Variants in NEGR1 observed in about 807,000 individuals in gnomAD.
NEGR1 encodes neuronal growth regulator 1.
Under a neutral mutation model 40.9 loss-of-function variants are expected in NEGR1, and 10 were observed. The observed-to-expected ratio is 0.24, with a 90% CI of 0.15 to 0.42. NEGR1 has a LOEUF of 0.42. Ranked by LOEUF, NEGR1 falls within the 10% of genes least tolerant of loss-of-function variation. NEGR1 has a pLI of 1.00. For missense variants in NEGR1, 352 were observed against 438.9 expected, an observed-to-expected ratio of 0.80 and a Z score of 1.77; for synonymous variants, 185 against 166.8, an observed-to-expected ratio of 1.11 and a Z score of -0.84.
At chr1:71,832,303 C>T (rs1209547523) in intron 2 of NEGR1, among the ~76,000 whole-genome samples, 2 of 151,966 alleles carry the variant, frequency 1.3e-5, no homozygotes, top group African/African-American at 2.4e-5. Context: ...AAGTGAGACA[C>T]CACTTGTGCC....
intron 4 of NEGR1, among the ~76,000 whole-genome samples, chr1:71,675,374 C>T (rs1652592315): frequency 1.3e-5 from 2 of 150,868 alleles, no homozygotes; most frequent in South Asian, 2.1e-4. Flanking sequence ...ATTTCCCATT[C>T]ACCACTAGAT....
At chr1:72,251,221 TATC>T (rs1467288680) in intron 1 of NEGR1, among the ~76,000 whole-genome samples, 2 of 152,194 alleles carry the variant, frequency 1.3e-5, no homozygotes, top group East Asian at 1.9e-4. Context: ...ACCTTAAAGA[TATC>T]ATATAATATA....
intron 2 of NEGR1, among the ~76,000 whole-genome samples, chr1:71,866,694 T>C (rs762556165): frequency 6.6e-6 from 1 of 152,194 alleles, no homozygotes; most frequent in Non-Finnish European, 1.5e-5. Flanking sequence ...GTAACTTTTA[T>C]GTTTAGCTTG....
At chr1:71,778,168 T>C (rs1328931267) in intron 2 of NEGR1, among the ~76,000 whole-genome samples, 2 of 151,952 alleles carry the variant, frequency 1.3e-5, no homozygotes, top group Non-Finnish European at 2.9e-5. Context: ...CATGTGGATA[T>C]ATATACATAT....
intron 6 of NEGR1, among the ~76,000 whole-genome samples, chr1:71,507,018 A>G (rs1334739175): frequency 6.6e-6 from 1 of 152,232 alleles, no homozygotes; most frequent in Non-Finnish European, 1.5e-5. Context: ...ACTTAAAAAA[A>G]TCTGGACAAA....
intron 3 of NEGR1, among the ~76,000 whole-genome samples, chr1:71,736,580 C>A (rs1655047710): frequency 1.3e-5 from 2 of 152,118 alleles, no homozygotes; most frequent in South Asian, 4.1e-4. Context: ...CCTATCTGAG[C>A]CAGCAAAAGC....
chr1:72,241,911 A>T (rs191985643), intron 1 of NEGR1, among the ~76,000 whole-genome samples: 87 of 151,882 alleles, frequency 5.7e-4, no homozygotes, highest in African/African-American at 2.0e-3. Flanking sequence ...CTGCAAGATA[A>T]GTCTATCTAG....
At chr1:72,140,686 T>G (rs1337741276) in intron 1 of NEGR1, among the ~76,000 whole-genome samples, 1 of 152,192 alleles carries the variant, frequency 6.6e-6, no homozygotes, top group East Asian at 1.9e-4. Flanking sequence ...TCAATCGAAA[T>G]AAAATATTTT....
intron 2 of NEGR1, among the ~76,000 whole-genome samples, chr1:71,863,668 T>TTC (rs1300158170): frequency 1.3e-5 from 2 of 152,178 alleles, no homozygotes; most frequent in African/African-American, 4.8e-5. Flanking sequence ...CTGGACTTAC[T>TTC]TCTCTTTGTT....
intron 6 of NEGR1, among the ~76,000 whole-genome samples, chr1:71,450,740 G>T (rs565675591): frequency 6.6e-6 from 1 of 151,892 alleles, no homozygotes; most frequent in Admixed American, 6.6e-5. Flanking sequence ...AACCCAAAAC[G>T]TAGAGGTTGC....
chr1:71,566,929 C>T (rs913316919), intron 6 of NEGR1, among the ~76,000 whole-genome samples: 3 of 152,134 alleles, frequency 2.0e-5, no homozygotes, highest in Non-Finnish European at 4.4e-5. Context: ...CAAGCTCCCT[C>T]AGGCCTCTTT....
chr1:71,502,160 T>C (rs368554587), intron 6 of NEGR1, among the ~76,000 whole-genome samples: 4 of 152,078 alleles, frequency 2.6e-5, no homozygotes, highest in African/African-American at 9.7e-5. Context: ...GCATTGCTCA[T>C]GCACCCAGAA....
chr1:71,873,118 CAAAAAAAAA>C (rs34592789), intron 2 of NEGR1, among the ~76,000 whole-genome samples: 1 of 81,846 alleles, frequency 1.2e-5, no homozygotes, highest in African/African-American at 4.4e-5. Flanking sequence ...AAAGATGTAG[CAAAAAAAAA>C]AAAAAAAAAA....
intron 4 of NEGR1, among the ~76,000 whole-genome samples, chr1:71,661,787 T>C (rs1332382434): frequency 6.6e-6 from 1 of 152,236 alleles, no homozygotes; most frequent in Admixed American, 6.5e-5. Context: ...CCCATTATTC[T>C]ACCTCTTAGT....
intron 6 of NEGR1, among the ~76,000 whole-genome samples, chr1:71,431,308 G>A (rs1392224979): frequency 6.6e-6 from 1 of 152,000 alleles, no homozygotes; most frequent in East Asian, 1.9e-4. Flanking sequence ...GTAAAACATG[G>A]CTATAGCTCC....
At chr1:71,428,848 A>G (rs1646446506) in intron 6 of NEGR1, among the ~76,000 whole-genome samples, 1 of 151,992 alleles carries the variant, frequency 6.6e-6, no homozygotes, top group Non-Finnish European at 1.5e-5. Context: ...CTCAGAGATA[A>G]GCAACAAATG....
intron 6 of NEGR1, among the ~76,000 whole-genome samples, chr1:71,467,476 A>G (rs1646754534): frequency 6.6e-6 from 1 of 152,070 alleles, no homozygotes; most frequent in Admixed American, 6.6e-5. Context: ...TCAGTGTCAT[A>G]CTTTTTTAAA....
chr1:72,263,166 GTTA>G (rs1030652070), intron 1 of NEGR1, among the ~76,000 whole-genome samples: 1 of 151,258 alleles, frequency 6.6e-6, no homozygotes, highest in African/African-American at 2.4e-5. Flanking sequence ...ATTAAAAATA[GTTA>G]TTTTTAAAAA....
At chr1:72,047,524 T>C (rs777250268) in intron 1 of NEGR1, among the ~76,000 whole-genome samples, 9 of 151,398 alleles carry the variant, frequency 5.9e-5, no homozygotes, top group Non-Finnish European at 7.4e-5. Flanking sequence ...CTAGTAAACA[T>C]GATTTTCATA....
Sources: allele counts gnomAD v4.1 joint callset (sites outside exome capture counted in the v4.1 genomes callset), GRCh38; gene constraint gnomAD v4.1.1; transcripts MANE v1.5; gene names NCBI Gene and HGNC (gene_info 2026-07-23, HGNC 2026-07-21).